The following PATJ variants were observed in gnomAD, a reference collection of about 807,000 sequenced individuals.
PATJ encodes PATJ crumbs cell polarity complex component, also known as inaD-like protein.
Under a neutral mutation model 224.9 loss-of-function variants are expected in PATJ, and 190 were observed. The ratio of observed to expected loss-of-function variants is 0.84; its 90% CI spans 0.75 to 0.95. The LOEUF is 0.95. PATJ is among the 40% of genes least tolerant of loss of function. PATJ has a pLI of 0.00. For synonymous variants in PATJ, 769 were observed against 820.3 expected, an observed-to-expected ratio of 0.94 and a Z score of 1.07; for missense variants, 2,121 against 2,270.3, an observed-to-expected ratio of 0.93 and a Z score of 1.34.
intron 25 of PATJ, among the ~76,000 whole-genome samples, chr1:61,909,695 T>C (rs983320104): frequency 6.6e-6 from 1 of 152,212 alleles, no homozygotes; most frequent in African/African-American, 2.4e-5. Context: ...ACATATGCAC[T>C]TCTAACTGCA....
At position 61,908,454 on chromosome 1, in the gene PATJ, T is replaced by G. The variant is rs868855989; in HGVS notation, c.3464T>G (p.Ile1155Ser). The G allele has an allele frequency of 6.2e-7, 1 of 1,613,548 alleles. No homozygotes were observed. Among genetic ancestry groups the G allele is most frequent in the Non-Finnish European group, 8.5e-7 (1 of 1,179,586 alleles). Reference sequence around the variant, plus strand: ...AATGCAGGAAACCCTGTGGTGTTCATTGTTCAGAGTTTGTCATCCACTCCA... The same window carrying G: ...AATGCAGGAAACCCTGTGGTGTTCAGTGTTCAGAGTTTGTCATCCACTCCA... ...IKNAGNPVVFIVQSLSSTPRV... is the reference protein window; with the variant it reads ...IKNAGNPVVFSVQSLSSTPRV... The change falls in exon 25 of 44, where the codon ATT becomes AGT. Residue 1155 changes from isoleucine (I) to serine (S), a missense_variant. By Grantham distance (142) the Ile-to-Ser change is moderately radical. Transcript: ENST00000642238.
intron 18 of PATJ, among the ~76,000 whole-genome samples, chr1:61,857,352 T>C (rs866120668): frequency 6.6e-6 from 1 of 152,332 alleles, no homozygotes; most frequent in Middle Eastern, 3.4e-3. Context: ...TTTGTTACCC[T>C]CATTACAGAT....
In PATJ at chr1:62,160,984, T is replaced by G. The variant is rs1669788021; in HGVS notation, c.5579T>G (p.Val1860Gly). ...LAVNGETLEG[V>G]THEQAVAILK... ...GTTAATGGCGAGACCCTGGAAGGTG[T>G]TACTCATGAGCAAGCAGTCGCCATT... The change falls in exon 44 of 44, where the codon GTT (valine) becomes GGT (glycine). Residue 1860 changes from valine (V) to glycine (G), a missense_variant. Physicochemically the swap from Val to Gly is moderately radical, Grantham distance 109. Coordinates refer to ENST00000642238, the MANE Select transcript of PATJ (RefSeq NM_001350145.3). 2.5e-6 allele frequency: 4 copies of G among 1,612,824 alleles called. No homozygotes were observed. The highest frequency in any genetic ancestry group is 1.7e-5 in the Admixed American group (1 of 59,700).
intron 29 of PATJ, among the ~76,000 whole-genome samples, chr1:62,020,010 G>GA (rs200658308): frequency 1.6e-3 from 243 of 150,928 alleles, no homozygotes; most frequent in African/African-American, 2.0e-3. Flanking sequence ...CTGTGCAAAA[G>GA]AAAAAAAAAT....
At chr1:62,077,906 T>C (rs1658596982) in intron 31 of PATJ, among the ~76,000 whole-genome samples, 1 of 152,228 alleles carries the variant, frequency 6.6e-6, no homozygotes, top group Admixed American at 6.5e-5. Context: ...AAAAAAGTAA[T>C]ATTTAACTGT....
chr1:61,754,792 A>G (rs1645538875), intron 1 of PATJ, among the ~76,000 whole-genome samples: 1 of 152,066 alleles, frequency 6.6e-6, no homozygotes, highest in Middle Eastern at 3.2e-3. Flanking sequence ...GAGTTTCATG[A>G]TGAGCACCTG....
At chr1:62,024,355 TC>T (rs1647356460) in intron 29 of PATJ, among the ~76,000 whole-genome samples, 1 of 152,152 alleles carries the variant, frequency 6.6e-6, no homozygotes. Context: ...GGCAGGGTTT[TC>T]TTTAATTACC....
chr1:61,801,768 G>A lies in PATJ; in HGVS notation c.1548G>A (p.Leu516=). Residue 516 remains leucine, a splice_region_variant and synonymous_variant, in exon 12 of 44, where the codon TTG becomes TTA. Coordinates refer to ENST00000642238, the MANE Select transcript of PATJ (RefSeq NM_001350145.3). Reference sequence around the variant, plus strand: ...ACAACATACAAGCCTTAGAAAAATTGGGTAGGCACAAAGCATTCACTTTGC... The same window carrying A: ...ACAACATACAAGCCTTAGAAAAATTAGGTAGGCACAAAGCATTCACTTTGC... ...KNDNIQALEK[L]EKVPDSPENE... The A allele has an allele frequency of 6.3e-7, 1 of 1,577,294 alleles. No homozygotes were observed.
At chr1:61,908,177 G>C (rs1045511414) in intron 24 of PATJ, among the ~76,000 whole-genome samples, 195 bp from the exon 25 acceptor site, 4 of 152,118 alleles carry the variant, frequency 2.6e-5, no homozygotes, top group Non-Finnish European at 5.9e-5. Context: ...TTTTCTGAAG[G>C]TGAAATGTTA....
intron 41 of PATJ, 136 bp from the exon 42 acceptor site, chr1:62,148,148 G>T: frequency 1.9e-5 from 5 of 258,390 alleles, no homozygotes; most frequent in Non-Finnish European, 2.5e-5. Flanking sequence ...AAAAGTTTGA[G>T]AGAATAGTCC....
At chr1:61,986,274 TTG>T (rs2149524693) in intron 27 of PATJ, among the ~76,000 whole-genome samples, 1 of 152,216 alleles carries the variant, frequency 6.6e-6, no homozygotes, top group Non-Finnish European at 1.5e-5. Context: ...GCACTAAATA[TTG>T]TGTTTTAATT....
chr1:62,009,640 A>G (rs1324864877), intron 28 of PATJ, among the ~76,000 whole-genome samples: 1 of 152,174 alleles, frequency 6.6e-6, no homozygotes, highest in Admixed American at 6.5e-5. Context: ...GTAACATCGG[A>G]TGCTGTTTAA....
At chr1:61,869,720 T>C (rs1156692043) in intron 20 of PATJ, among the ~76,000 whole-genome samples, 1 of 152,180 alleles carries the variant, frequency 6.6e-6, no homozygotes, top group African/African-American at 2.4e-5. Flanking sequence ...AGGGAGTGTG[T>C]GAGTGAACAA....
At chr1:62,039,190 G>C in intron 30 of PATJ, 6 of 492,422 alleles carry the variant, frequency 1.2e-5, no homozygotes, top group South Asian at 8.3e-5. Context: ...AACTACTAAA[G>C]TTCCAGTAGT....
chr1:62,072,200 T>C (rs1657535895), intron 31 of PATJ, among the ~76,000 whole-genome samples: 1 of 152,230 alleles, frequency 6.6e-6, no homozygotes, highest in Admixed American at 6.5e-5. Context: ...TTAGGCAGTT[T>C]GGATTCTCCC....
intron 37 of PATJ, among the ~76,000 whole-genome samples, chr1:62,117,757 AT>A (rs143284826): frequency 9.3e-5 from 14 of 151,066 alleles, no homozygotes; most frequent in East Asian, 1.9e-4. Context: ...TGTAAGTGCC[AT>A]TTTTTTTTAG....
chr1:61,903,069 G>A (rs1249510750), intron 24 of PATJ, among the ~76,000 whole-genome samples: 1 of 152,286 alleles, frequency 6.6e-6, no homozygotes, highest in South Asian at 2.1e-4. Flanking sequence ...GCCACATCAC[G>A]TAGATCCTGA....
At chr1:61,796,674 C>CTTTCTT (rs1306168717) in intron 10 of PATJ, among the ~76,000 whole-genome samples, 58 of 28,472 alleles carry the variant, frequency 2.0e-3, no homozygotes, top group Middle Eastern at 0.023. Flanking sequence ...TTCTTTCTTT[C>CTTTCTT]TTTCTTTCTT....
chr1:62,151,134 T>C (rs1486876700), intron 42 of PATJ, among the ~76,000 whole-genome samples: 1 of 132,766 alleles, frequency 7.5e-6, no homozygotes, highest in African/African-American at 2.9e-5. Context: ...AGTGGAACTC[T>C]GTCTCAAAAA....
Sources: gnomAD v4.1 joint callset for allele counts (sites outside exome capture counted in the v4.1 genomes callset) on GRCh38, gnomAD v4.1.1 for gene constraint, MANE v1.5 for transcripts, NCBI Gene and HGNC (gene_info 2026-07-23, HGNC 2026-07-21) for gene names.